Variants in PPFIA2 observed in about 807,000 individuals in gnomAD.
The protein encoded by PPFIA2 is PPFI scaffold protein A2.
A neutral mutation model predicts 175.5 loss-of-function variants in PPFIA2; 46 were observed. The observed-to-expected ratio is 0.26, with a 90% confidence interval of 0.21 to 0.34. The LOEUF (loss-of-function observed/expected upper bound fraction) is 0.34, where lower values mean the gene tolerates loss of function less well. PPFIA2 is among the 10% of genes least tolerant of loss of function. The probability of loss-of-function intolerance (pLI) is 1.00; values close to 1 mark genes in which losing one functional copy is unlikely to be tolerated. For synonymous variants in PPFIA2, 568 were observed against 511.4 expected (o/e 1.11, Z -1.49); for missense variants, 1,179 against 1,506.1 (o/e 0.78, Z 3.60).
chr12:81,466,678 G>A (rs928785542), intron 4 of PPFIA2, among the ~76,000 whole-genome samples: 2 of 151,956 alleles, frequency 1.3e-5, no homozygotes, highest in Admixed American at 1.3e-4. Context: ...AAACCCTGGA[G>A]AGCCGGTACT....
At chr12:81,698,408 T>C (rs1377178250) in intron 3 of PPFIA2, among the ~76,000 whole-genome samples, 1 of 152,058 alleles carries the variant, frequency 6.6e-6, no homozygotes, top group Non-Finnish European at 1.5e-5. Flanking sequence ...CCTTCCACCA[T>C]GAGATGACAC....
intron 13 of PPFIA2, chr12:81,368,036 TA>T: frequency 9.0e-7 from 1 of 1,108,328 alleles, no homozygotes; most frequent in Non-Finnish European, 1.2e-6. Flanking sequence ...AATGTCTAGC[TA>T]AAATAGTGAT....
chr12:81,677,326 T>C (rs1300494122), intron 3 of PPFIA2, among the ~76,000 whole-genome samples: 1 of 151,992 alleles, frequency 6.6e-6, no homozygotes, highest in Non-Finnish European at 1.5e-5. Flanking sequence ...CTCAAACATT[T>C]ATCATTTCAT....
At chr12:81,620,117 G>A (rs12228016) in intron 4 of PPFIA2, among the ~76,000 whole-genome samples, 8,074 of 126,730 alleles carry the variant, frequency 0.064, 323 homozygotes, top group East Asian at 0.27. Flanking sequence ...CCGAGATCGC[G>A]CCACTGCACT....
intron 4 of PPFIA2, among the ~76,000 whole-genome samples, chr12:81,647,215 T>C (rs1475857804): frequency 6.6e-6 from 1 of 151,986 alleles, no homozygotes; most frequent in African/African-American, 2.4e-5. Context: ...AGACCAGACA[T>C]AGTAGAGGAA....
chr12:81,288,663 A>G (rs1357763991), intron 24 of PPFIA2, among the ~76,000 whole-genome samples: 2 of 151,900 alleles, frequency 1.3e-5, no homozygotes, highest in African/African-American at 4.8e-5. Flanking sequence ...TTTTGTTACT[A>G]CCTAGGTCAT....
chr12:81,636,270 T>A (rs1368198906), intron 4 of PPFIA2, among the ~76,000 whole-genome samples: 1 of 148,812 alleles, frequency 6.7e-6, no homozygotes, highest in Non-Finnish European at 1.5e-5. Flanking sequence ...CTGATTTTTT[T>A]TTTTTTTTTT....
At position 81,299,525 on chromosome 12, in the gene PPFIA2, C is replaced by T. The variant is rs138424417; in HGVS notation, c.2643-143G>A. On this transcript the variant is annotated intron_variant, in intron 22 of 32. Transcript: ENST00000549396. ...TATAGAATAACAGAATTCCTTATTC[C>T]TTTGAGTAACACACACACATCATCC... The T allele has an allele frequency of 9.5e-5, 107 of 1,131,736 alleles. No homozygotes were observed. In the African/African-American group the frequency reaches 1.3e-3, roughly 14 times the overall value. 70.1% of individuals were successfully genotyped at this position (1,131,736 alleles called of 1,614,324 possible). A position where few individuals can be genotyped will look rare whatever the true frequency, so the allele number is the denominator to read the frequency against.
chr12:81,651,218 G>A (rs918834648), intron 4 of PPFIA2, among the ~76,000 whole-genome samples: 3 of 152,116 alleles, frequency 2.0e-5, no homozygotes, highest in Non-Finnish European at 4.4e-5. Context: ...TGAGTTAATG[G>A]AAAGGAAGAG....
chr12:81,643,992 G>A (rs781452350), intron 4 of PPFIA2, among the ~76,000 whole-genome samples: 8 of 151,846 alleles, frequency 5.3e-5, no homozygotes, highest in Non-Finnish European at 4.4e-5. Flanking sequence ...TGTCAAATGG[G>A]AAACATTTAA....
chr12:81,294,311 TA>T (rs1379544446), intron 24 of PPFIA2, among the ~76,000 whole-genome samples: 7 of 151,960 alleles, frequency 4.6e-5, no homozygotes. Flanking sequence ...ATATTAAAAC[TA>T]AAAAATGTAG....
chr12:81,617,441 C>A (rs2061521112), intron 4 of PPFIA2, among the ~76,000 whole-genome samples: 1 of 152,118 alleles, frequency 6.6e-6, no homozygotes. Context: ...TGTTATTGTG[C>A]CTGCCCCTTC....
intron 4 of PPFIA2, among the ~76,000 whole-genome samples, chr12:81,480,237 G>C (rs550948714): frequency 1.3e-5 from 2 of 152,038 alleles, no homozygotes; most frequent in African/African-American, 4.8e-5. Context: ...TGAAGTACTC[G>C]TGTTGTGTTT....
chr12:81,473,032 C>A (rs2056969814), intron 4 of PPFIA2: 1 of 152,212 alleles, frequency 6.6e-6, no homozygotes, highest in Non-Finnish European at 1.5e-5. Context: ...CTCTTGAATT[C>A]TCTCTATCCT....
At chr12:81,450,577 C>CA (rs2052357730) in intron 5 of PPFIA2, among the ~76,000 whole-genome samples, 1 of 152,082 alleles carries the variant, frequency 6.6e-6, no homozygotes, top group East Asian at 1.9e-4. Flanking sequence ...AATTTTCTCC[C>CA]ATTCTGTAGC....
chr12:81,672,750 A>C (rs1311781286), intron 4 of PPFIA2, among the ~76,000 whole-genome samples: 1 of 152,066 alleles, frequency 6.6e-6, no homozygotes, highest in Non-Finnish European at 1.5e-5. Flanking sequence ...TCTTGCTATA[A>C]TTACTATATG....
At chr12:81,705,215 C>T (rs1235720714) in intron 3 of PPFIA2, among the ~76,000 whole-genome samples, 1 of 150,488 alleles carries the variant, frequency 6.6e-6, no homozygotes, top group African/African-American at 2.4e-5. Context: ...TTTGGGAGGC[C>T]GAGGCGGGCA....
chr12:81,453,796 C>T (rs559948965), intron 5 of PPFIA2, among the ~76,000 whole-genome samples: 13 of 152,222 alleles, frequency 8.5e-5, no homozygotes, highest in South Asian at 4.1e-4. Flanking sequence ...GCAATGTCAA[C>T]GAGGTGTTTC....
chr12:81,734,877 T>C (rs2081372561), intron 3 of PPFIA2, among the ~76,000 whole-genome samples: 1 of 151,846 alleles, frequency 6.6e-6, no homozygotes, highest in South Asian at 2.1e-4. Flanking sequence ...TTCCATCTTA[T>C]AGCTCTGACT....
Sources: allele counts gnomAD v4.1 joint callset (sites outside exome capture counted in the v4.1 genomes callset), GRCh38; gene constraint gnomAD v4.1.1; transcripts MANE v1.5; gene names NCBI Gene and HGNC (gene_info 2026-07-23, HGNC 2026-07-21).